The following CEP85L variants were observed in gnomAD, a reference collection of about 807,000 sequenced individuals.
CEP85L encodes centrosomal protein 85L.
CEP85L carries 60 observed loss-of-function variants against 100.3 expected under a neutral mutation model. That is an observed-to-expected ratio of 0.60 (90% CI 0.49 to 0.74). The LOEUF (loss-of-function observed/expected upper bound fraction) is 0.74. Ranked by LOEUF, CEP85L falls within the 30% of genes least tolerant of loss-of-function variation. The pLI is 0.00. For missense variants in CEP85L, 973 were observed against 936.2 expected (o/e 1.04, Z -0.51); for synonymous variants, 319 against 322.7 (o/e 0.99, Z 0.12).
chr6:118,488,212 C>T (rs1774319275), intron 6 of CEP85L, among the ~76,000 whole-genome samples: 1 of 151,780 alleles, frequency 6.6e-6, no homozygotes, highest in South Asian at 2.1e-4. Flanking sequence ...AAATAAATCT[C>T]CTGAAACCAA....
At chr6:118,494,988 A>C (rs188396593) in intron 5 of CEP85L, among the ~76,000 whole-genome samples, 9 of 152,268 alleles carry the variant, frequency 5.9e-5, no homozygotes, top group Non-Finnish European at 1.0e-4. Flanking sequence ...AAGAATAAAA[A>C]AGAAATGCTA....
intron 6 of CEP85L, among the ~76,000 whole-genome samples, chr6:118,487,454 T>C (rs1479399496): frequency 6.6e-6 from 1 of 152,094 alleles, no homozygotes; most frequent in African/African-American, 2.4e-5. Flanking sequence ...ATTAAAAAAA[T>C]AGTAAAACCC....
intron 6 of CEP85L, among the ~76,000 whole-genome samples, chr6:118,488,378 TATA>T (rs1004459031): frequency 1.3e-4 from 19 of 151,262 alleles, no homozygotes; most frequent in African/African-American, 4.6e-4. Context: ...AACTAAAAAA[TATA>T]ATAACTGAAA....
intron 1 of CEP85L, among the ~76,000 whole-genome samples, chr6:118,649,979 G>T (rs1337293402): frequency 3.9e-5 from 6 of 152,106 alleles, no homozygotes; most frequent in African/African-American, 1.2e-4. Context: ...AATTTCAATA[G>T]CCTGATACTA....
chr6:118,626,579 G>A (rs764326473), intron 2 of CEP85L, among the ~76,000 whole-genome samples: 28 of 152,034 alleles, frequency 1.8e-4, no homozygotes, highest in Non-Finnish European at 2.5e-4. Flanking sequence ...CATTCTTCCC[G>A]CCTCACGTAT....
At chr6:118,492,448 A>T (rs1451624338) in intron 5 of CEP85L, among the ~76,000 whole-genome samples, 1 of 152,150 alleles carries the variant, frequency 6.6e-6, no homozygotes, top group Non-Finnish European at 1.5e-5. Flanking sequence ...AAGTACTCAC[A>T]AAATAATTGT....
chr6:118,710,042 A>T (rs1467392326), exon 1 of CEP85L: 1 of 152,218 alleles, frequency 6.6e-6, no homozygotes, highest in African/African-American at 2.4e-5. Flanking sequence ...TCACTTTTTC[A>T]AACCTCCTCA....
chr6:118,604,916 C>G (rs892061702), intron 2 of CEP85L, among the ~76,000 whole-genome samples: 2 of 128,858 alleles, frequency 1.6e-5, no homozygotes, highest in African/African-American at 2.7e-5. Flanking sequence ...GTCACGTGAA[C>G]AAAAAGGCAT....
chr6:118,695,264 C>T (rs571088508), intron 1 of CEP85L, among the ~76,000 whole-genome samples: 4 of 152,142 alleles, frequency 2.6e-5, no homozygotes, highest in Non-Finnish European at 4.4e-5. Context: ...AACCTCTAAA[C>T]GAGCAAGGTT....
intron 4 of CEP85L, among the ~76,000 whole-genome samples, chr6:118,518,635 G>A (rs1447200360): frequency 6.6e-6 from 1 of 151,698 alleles, no homozygotes; most frequent in East Asian, 1.9e-4. Flanking sequence ...TTCTTTATTA[G>A]TCTGGATAGC....
chr6:118,563,944 A>G (rs1779360034), intron 3 of CEP85L, among the ~76,000 whole-genome samples: 1 of 152,176 alleles, frequency 6.6e-6, no homozygotes, highest in East Asian at 1.9e-4. Flanking sequence ...ACCTGAATTC[A>G]TCTTTCTACT....
rs936599187 is a variant in CEP85L, at chr6:118,497,974, C to T, written c.1258-6109G>A. On this transcript the variant is annotated intron_variant, in intron 5 of 12. Transcript: ENST00000368491. ...TATGAATAAGTGAAATGACTGATAA[C>T]AATGATACAAGGATGAGAAGGAAGA... Among the ~76,000 whole-genome samples, 21 of 152,170 alleles carry T rather than the reference C, an allele frequency of 1.4e-4. 3 individuals are homozygous for T. Among genetic ancestry groups the T allele is most frequent in the Admixed American group, 7.2e-4 (11 of 15,286 alleles).
At chr6:118,478,951 C>T (rs1274096570) in intron 10 of CEP85L, among the ~76,000 whole-genome samples, 1 of 152,032 alleles carries the variant, frequency 6.6e-6, no homozygotes, top group South Asian at 2.1e-4. Context: ...GTTCAAGTGT[C>T]GATTATTCTT....
At chr6:118,706,181 C>G (rs1777587966) in intron 1 of CEP85L, among the ~76,000 whole-genome samples, 1 of 152,212 alleles carries the variant, frequency 6.6e-6, no homozygotes, top group Non-Finnish European at 1.5e-5. Context: ...CACAGACACT[C>G]TGACAAGGGG....
intron 10 of CEP85L, among the ~76,000 whole-genome samples, chr6:118,473,005 T>C (rs1773082975): frequency 6.6e-6 from 1 of 152,224 alleles, no homozygotes; most frequent in East Asian, 1.9e-4. Flanking sequence ...CCAGATTCTA[T>C]ATAATCCCCA....
intron 5 of CEP85L, among the ~76,000 whole-genome samples, chr6:118,500,263 G>A (rs1036197388): frequency 6.6e-6 from 1 of 152,114 alleles, no homozygotes; most frequent in African/African-American, 2.4e-5. Flanking sequence ...GCTACTGCTG[G>A]GAGCCAAAAA....
intron 3 of CEP85L, among the ~76,000 whole-genome samples, chr6:118,543,042 CTTCT>C (rs1418829511): frequency 1.3e-5 from 2 of 151,894 alleles, no homozygotes; most frequent in East Asian, 1.9e-4. Flanking sequence ...CTTTTTGTTC[CTTCT>C]TTCTTTAGCC....
intron 1 of CEP85L, among the ~76,000 whole-genome samples, chr6:118,664,003 C>T (rs1488596919): frequency 2.0e-5 from 3 of 151,340 alleles, no homozygotes; most frequent in Non-Finnish European, 4.4e-5. Flanking sequence ...TCAAGTGATC[C>T]TCCTGCCTCA....
intron 1 of CEP85L, among the ~76,000 whole-genome samples, chr6:118,673,348 C>A (rs922541033): frequency 1.3e-5 from 2 of 152,184 alleles, no homozygotes; most frequent in African/African-American, 2.4e-5. Flanking sequence ...TTGGCACTTG[C>A]TGTGAAATTT....
Sources: allele counts gnomAD v4.1 joint callset (sites outside exome capture counted in the v4.1 genomes callset), GRCh38; gene constraint gnomAD v4.1.1; transcripts MANE v1.5; gene names NCBI Gene and HGNC (gene_info 2026-07-23, HGNC 2026-07-21).